The following ATXN7L1 variants were observed in gnomAD, a reference collection of about 807,000 sequenced individuals.
ATXN7L1 encodes the protein ataxin 7 like 1.
ATXN7L1 carries 15 observed loss-of-function variants against 70.8 expected under a neutral mutation model. The observed-to-expected ratio is 0.21, with a 90% CI of 0.14 to 0.33. The LOEUF (loss-of-function observed/expected upper bound fraction) is 0.33. ATXN7L1 is among the 10% of genes least tolerant of loss of function. The probability of loss-of-function intolerance (pLI) is 1.00; values close to 1 mark genes in which losing one functional copy is unlikely to be tolerated. For missense variants in ATXN7L1, 975 were observed against 1,097.1 expected, an observed-to-expected ratio of 0.89 and a Z score of 1.57; for synonymous variants, 440 against 445.1, an observed-to-expected ratio of 0.99 and a Z score of 0.14.
At chr7:105,652,015 G>A (rs1259540449) in intron 4 of ATXN7L1, among the ~76,000 whole-genome samples, 1 of 152,164 alleles carries the variant, frequency 6.6e-6, no homozygotes, top group African/African-American at 2.4e-5. Flanking sequence ...AGCTCAGAAG[G>A]TGGTCTCCAA....
intron 3 of ATXN7L1, among the ~76,000 whole-genome samples, chr7:105,731,124 T>C (rs1796484410): frequency 2.0e-5 from 3 of 152,220 alleles, no homozygotes; most frequent in South Asian, 4.1e-4. Context: ...CTTTGTTTCA[T>C]GCACGAAATT....
At chr7:105,811,367 G>A (rs1277411344) in intron 2 of ATXN7L1, among the ~76,000 whole-genome samples, 2 of 152,228 alleles carry the variant, frequency 1.3e-5, no homozygotes, top group Non-Finnish European at 2.9e-5. Context: ...GCTTCAGAGA[G>A]AGCGCAGCCC....
chr7:105,629,604 C>T (rs1305908108), intron 7 of ATXN7L1, among the ~76,000 whole-genome samples: 1 of 151,554 alleles, frequency 6.6e-6, no homozygotes, highest in Admixed American at 6.6e-5. Context: ...CAACCTCCGC[C>T]TTCTGGGTTC....
rs10587073 is a variant in ATXN7L1 at position 105,835,149 on chromosome 7, G to GTTTTTTTT, written c.250+40655_250+40662dup. On this transcript the variant is annotated intron_variant, in intron 2 of 11. Coordinates refer to ENST00000419735, the MANE Select transcript of ATXN7L1 (RefSeq NM_020725.2). Reference sequence around the variant, plus strand: ...TTTTTTAATAATTTATAAGTGTGTGGTTTTTTTTTTTTTTTTTTTTTTTGA... The same window carrying GTTTTTTTT: ...TTTTTTAATAATTTATAAGTGTGTGGTTTTTTTTTTTTTTTTTTTTTTTTTTTTTTTGA... 7.9e-4 allele frequency among the ~76,000 whole-genome samples: 53 copies of GTTTTTTTT among 67,330 alleles called. 1 individual carries two copies. The highest frequency in any genetic ancestry group is 9.1e-4 in the Non-Finnish European group (36 of 39,622). The allele number at this position is 67,330 out of a possible 152,430, so 44.2% of individuals were successfully genotyped here.
chr7:105,661,680 G>C (rs188510269), intron 4 of ATXN7L1, among the ~76,000 whole-genome samples: 3 of 152,154 alleles, frequency 2.0e-5, no homozygotes, highest in African/African-American at 7.2e-5. Context: ...AGCCCTCTAA[G>C]GCTCAAAACC....
intron 7 of ATXN7L1, among the ~76,000 whole-genome samples, chr7:105,633,175 A>G (rs1445882954): frequency 6.6e-6 from 1 of 152,214 alleles, no homozygotes; most frequent in Non-Finnish European, 1.5e-5. Context: ...TAGAATAAAA[A>G]TATTTTCAAG....
At chr7:105,790,943 C>T (rs895642212) in intron 2 of ATXN7L1, among the ~76,000 whole-genome samples, 1 of 152,168 alleles carries the variant, frequency 6.6e-6, no homozygotes, top group Non-Finnish European at 1.5e-5. Flanking sequence ...TTTAATGAAA[C>T]CCCTCAAACA....
At chr7:105,858,066 T>C (rs746709381) in intron 2 of ATXN7L1, among the ~76,000 whole-genome samples, 6 of 152,098 alleles carry the variant, frequency 3.9e-5, no homozygotes, top group African/African-American at 7.2e-5. Context: ...ATCCTGTCTC[T>C]ACAAAAAATA....
In ATXN7L1 at chr7:105,733,629, T is replaced by TCCACCCAA. The variant is rs1563049020; in HGVS notation, c.355+54974_355+54975insTTGGGTGG. Among the ~76,000 whole-genome samples, 26 of 76,576 alleles carry TCCACCCAA rather than the reference T, an allele frequency of 3.4e-4. 6 individuals are homozygous for TCCACCCAA. Among genetic ancestry groups the TCCACCCAA allele is most frequent in the African/African-American group, 1.1e-3 (21 of 18,892 alleles). 50.2% of individuals were successfully genotyped at this position (76,576 alleles called of 152,430 possible). A position where few individuals can be genotyped will look rare whatever the true frequency, so the allele number is the denominator to read the frequency against. Reference sequence around the variant, plus strand: ...ACCCATCCATCCATCCATCCATCCATCCACCCATCCATCCATCCATCCATC... The same window carrying TCCACCCAA: ...ACCCATCCATCCATCCATCCATCCATCCACCCAACCACCCATCCATCCATCCATCCATC... On this transcript the variant is annotated intron_variant, in intron 3 of 11. Transcript: ENST00000419735.
chr7:105,620,896 G>GA (rs10656477), intron 8 of ATXN7L1, among the ~76,000 whole-genome samples: 133,644 of 144,808 alleles, frequency 0.92, 61,972 homozygotes, highest in East Asian at 0.97. Context: ...CTGTCTCAGA[G>GA]AAAAAAAAAA....
intron 5 of ATXN7L1, 67 bp downstream of exon 5, chr7:105,642,771 C>T: frequency 1.4e-6 from 2 of 1,468,790 alleles, no homozygotes; most frequent in East Asian, 5.0e-5. Flanking sequence ...CACATCACTC[C>T]TTCGTTATGG....
chr7:105,817,830 G>A (rs1809423906), intron 2 of ATXN7L1, among the ~76,000 whole-genome samples: 1 of 152,200 alleles, frequency 6.6e-6, no homozygotes, highest in Non-Finnish European at 1.5e-5. Flanking sequence ...GGAGGCTGAG[G>A]TGGAAGAATT....
At chr7:105,727,767 T>TACATATATATATA (rs1554442529) in intron 3 of ATXN7L1, among the ~76,000 whole-genome samples, 1 of 100,300 alleles carries the variant, frequency 1.0e-5, no homozygotes, top group Admixed American at 1.2e-4. Context: ...TATATATATA[T>TACATATATATATA]ATATATATAT....
chr7:105,738,190 T>C (rs1797622556), intron 3 of ATXN7L1, among the ~76,000 whole-genome samples: 1 of 152,230 alleles, frequency 6.6e-6, no homozygotes, highest in Admixed American at 6.5e-5. Flanking sequence ...CTCAACTCTT[T>C]CGTGTGGCCT....
intron 8 of ATXN7L1, among the ~76,000 whole-genome samples, 191 bp downstream of exon 8, chr7:105,623,884 G>A (rs894100805): frequency 1.3e-5 from 2 of 152,156 alleles, no homozygotes; most frequent in Admixed American, 6.5e-5. Context: ...AATAAGCTGG[G>A]AGCCCATTCC....
At chr7:105,729,334 A>AATAAATAAATAC (rs1796263860) in intron 3 of ATXN7L1, among the ~76,000 whole-genome samples, 1 of 150,746 alleles carries the variant, frequency 6.6e-6, no homozygotes, top group Admixed American at 6.6e-5. Context: ...TAAATAAATA[A>AATAAATAAATAC]ATGGAGGAGA....
At chr7:105,807,926 AG>A (rs1486318333) in intron 2 of ATXN7L1, among the ~76,000 whole-genome samples, 3 of 152,254 alleles carry the variant, frequency 2.0e-5, no homozygotes, top group Non-Finnish European at 2.9e-5. Context: ...TTTGTTGCAC[AG>A]CAAAAGCTAG....
chr7:105,739,376 C>T (rs1416197993), intron 3 of ATXN7L1, among the ~76,000 whole-genome samples: 1 of 152,210 alleles, frequency 6.6e-6, no homozygotes, highest in Non-Finnish European at 1.5e-5. Context: ...GTTGCATGTA[C>T]CCTAAAGTTT....
chr7:105,764,793 T>A (rs549324643), intron 3 of ATXN7L1, among the ~76,000 whole-genome samples: 10 of 151,918 alleles, frequency 6.6e-5, no homozygotes, highest in Non-Finnish European at 1.0e-4. Flanking sequence ...CACATCAAAA[T>A]TTTTTTTTCC....
Sources: gnomAD v4.1 joint callset for allele counts (sites outside exome capture counted in the v4.1 genomes callset) on GRCh38, gnomAD v4.1.1 for gene constraint, MANE v1.5 for transcripts, NCBI Gene and HGNC (gene_info 2026-07-23, HGNC 2026-07-21) for gene names.